Variants in PCDH9 observed in about 807,000 individuals in gnomAD.
PCDH9 encodes protocadherin-9.
In PCDH9, 24 loss-of-function variants were observed where a neutral mutation model predicts 70.6. The observed-to-expected ratio is 0.34, with a 90% CI of 0.25 to 0.48. The LOEUF is 0.48. PCDH9 is among the 20% of genes least tolerant of loss of function. PCDH9 has a pLI of 0.99. For synonymous variants in PCDH9, 562 were observed against 558.5 expected, an observed-to-expected ratio of 1.01 and a Z score of -0.09; for missense variants, 1,281 against 1,503.6, an observed-to-expected ratio of 0.85 and a Z score of 2.45.
chr13:66,754,946 C>T (rs994189543), intron 3 of PCDH9, among the ~76,000 whole-genome samples: 4 of 149,454 alleles, frequency 2.7e-5, no homozygotes, highest in African/African-American at 9.8e-5. Context: ...AACCTCTTAT[C>T]AACAGGGAAA....
chr13:67,100,462 T>C (rs1039677993), intron 2 of PCDH9, among the ~76,000 whole-genome samples: 6 of 152,162 alleles, frequency 3.9e-5, no homozygotes, highest in Non-Finnish European at 8.8e-5. Flanking sequence ...ATATCTTGAA[T>C]CATACTAACT....
At chr13:66,865,683 T>A (rs1162336628) in intron 3 of PCDH9, among the ~76,000 whole-genome samples, 3 of 152,328 alleles carry the variant, frequency 2.0e-5, no homozygotes, top group Admixed American at 2.0e-4. Flanking sequence ...TGGGATGCAT[T>A]GGAAATGTCC....
rs187693853 is a variant in PCDH9 at position 66,373,628 on chromosome 13, G to A, written c.3341-68600C>T. Among the ~76,000 whole-genome samples the A allele has an allele frequency of 3.9e-3, 600 of 152,114 alleles. 3 individuals carry two copies. Among genetic ancestry groups the A allele is most frequent in the African/African-American group, 0.014 (571 of 41,526 alleles). On this transcript the variant is annotated intron_variant, in intron 4 of 4. Coordinates refer to ENST00000377865, the MANE Select transcript of PCDH9 (RefSeq NM_203487.3). ...TCTTCAATACAGTGAATAGTGGAGA[G>A]AGAATGTCAAACAGAAATGACCTTT...
At chr13:67,111,879 A>G (rs934427586) in intron 2 of PCDH9, among the ~76,000 whole-genome samples, 2 of 152,224 alleles carry the variant, frequency 1.3e-5, no homozygotes, top group Non-Finnish European at 2.9e-5. Flanking sequence ...TATTAATTTC[A>G]TATAATTAAT....
At chr13:66,996,201 T>G (rs1478141650) in intron 2 of PCDH9, 1 of 152,224 alleles carries the variant, frequency 6.6e-6, no homozygotes, top group Non-Finnish European at 1.5e-5. Context: ...GACATTTTAT[T>G]GAATGTTACT....
chr13:66,559,123 T>C (rs1961876191), intron 4 of PCDH9, among the ~76,000 whole-genome samples: 1 of 152,152 alleles, frequency 6.6e-6, no homozygotes, highest in Non-Finnish European at 1.5e-5. Context: ...TTACCTTCAA[T>C]AGAAACCAGA....
At chr13:67,014,691 T>C (rs1312371899) in intron 2 of PCDH9, among the ~76,000 whole-genome samples, 1 of 152,062 alleles carries the variant, frequency 6.6e-6, no homozygotes, top group Non-Finnish European at 1.5e-5. Context: ...TTACAGTTTC[T>C]TGGGAAGAAG....
intron 4 of PCDH9, among the ~76,000 whole-genome samples, chr13:66,496,489 A>C (rs1351097731): frequency 1.3e-5 from 2 of 152,230 alleles, no homozygotes; most frequent in Non-Finnish European, 2.9e-5. Flanking sequence ...TTATTACTTC[A>C]AACATGACAT....
At chr13:66,759,642 C>T (rs1397874778) in intron 3 of PCDH9, among the ~76,000 whole-genome samples, 1 of 80,632 alleles carries the variant, frequency 1.2e-5, no homozygotes, top group Non-Finnish European at 2.7e-5. Flanking sequence ...TTGTTTTTTA[C>T]TTTTTGTGTA....
chr13:66,906,830 G>GA (rs1193095992), intron 2 of PCDH9, among the ~76,000 whole-genome samples: 1 of 151,948 alleles, frequency 6.6e-6, no homozygotes, highest in African/African-American at 2.4e-5. Flanking sequence ...ATTCTTACAG[G>GA]AAAAAATTTA....
At chr13:66,753,308 A>G (rs2079488752) in intron 3 of PCDH9, among the ~76,000 whole-genome samples, 1 of 152,174 alleles carries the variant, frequency 6.6e-6, no homozygotes, top group South Asian at 2.1e-4. Flanking sequence ...TCCCACTGTA[A>G]AATGACTGCA....
chr13:66,890,732 C>T (rs909476761), intron 3 of PCDH9, among the ~76,000 whole-genome samples: 20 of 151,874 alleles, frequency 1.3e-4, no homozygotes, highest in Non-Finnish European at 2.6e-4. Context: ...CTAATAGCCT[C>T]CAATATTTTT....
intron 2 of PCDH9, among the ~76,000 whole-genome samples, chr13:66,952,395 T>G (rs1390149588): frequency 6.6e-6 from 1 of 152,200 alleles, no homozygotes; most frequent in Non-Finnish European, 1.5e-5. Flanking sequence ...AGTTAATGAT[T>G]TATTTCAAAT....
At chr13:66,429,567 A>C (rs1957734690) in intron 4 of PCDH9, among the ~76,000 whole-genome samples, 1 of 151,848 alleles carries the variant, frequency 6.6e-6, no homozygotes, top group Admixed American at 6.6e-5. Flanking sequence ...GAGTTTGAAG[A>C]GTACAAACGG....
intron 4 of PCDH9, among the ~76,000 whole-genome samples, chr13:66,551,435 G>A (rs895119854): frequency 2.0e-5 from 3 of 152,152 alleles, no homozygotes; most frequent in African/African-American, 7.2e-5. Context: ...TACAAAGCAG[G>A]TGGCAACATA....
At chr13:66,851,565 C>T (rs970673471) in intron 3 of PCDH9, among the ~76,000 whole-genome samples, 5 of 137,826 alleles carry the variant, frequency 3.6e-5, no homozygotes, top group South Asian at 2.4e-4. Flanking sequence ...AACACCCACC[C>T]GCATCACCCT....
In PCDH9 at chr13:67,227,451, C is replaced by G. The variant is rs772441401; in HGVS notation, c.990G>C (p.Val330=). 1 of 1,613,804 alleles carries G rather than the reference C, an allele frequency of 6.2e-7. No individual in the cohort carries two copies. The highest frequency in any genetic ancestry group is 1.3e-5 in the African/African-American group (1 of 74,910). The change falls in exon 2 of 5, where the codon GTG becomes GTC. Residue 330 remains valine, a synonymous_variant. Transcript: ENST00000377865. The surrounding 1 kb of genome is among the most constrained non-coding windows in gnomAD (Gnocchi z 4.6). The stretch of plus-strand genomic sequence containing the variant: ...GAGTGGAGCTGCCGTCACTAGCCAG[C>G]ACTGTCACTTTGTGAATGGCTGTCT... ...REETAIHKVT[V]LASDGSSTPA... is the part of the protein sequence containing the mutation.
intron 4 of PCDH9, among the ~76,000 whole-genome samples, chr13:66,534,326 A>C (rs1960595659): frequency 6.6e-6 from 1 of 152,142 alleles, no homozygotes; most frequent in Non-Finnish European, 1.5e-5. Context: ...TAGGTGGCTT[A>C]TAAACAACTG....
intron 2 of PCDH9, among the ~76,000 whole-genome samples, chr13:67,005,183 C>T (rs1203159464): frequency 1.3e-5 from 2 of 151,658 alleles, no homozygotes; most frequent in Non-Finnish European, 2.9e-5. Flanking sequence ...TGGGAACATC[C>T]ATTTGCTTTC....
Sources: allele counts gnomAD v4.1 joint callset (sites outside exome capture counted in the v4.1 genomes callset), GRCh38; gene constraint gnomAD v4.1.1; non-coding constraint Gnocchi (gnomAD v3.1); transcripts MANE v1.5; gene names NCBI Gene and HGNC (gene_info 2026-07-23, HGNC 2026-07-21).